The following SLCO6A1 variants were observed in gnomAD, a reference collection of about 807,000 sequenced individuals.
The protein encoded by SLCO6A1 is cancer/testis antigen 48.
SLCO6A1 carries 65 observed loss-of-function variants against 72.7 expected under a neutral mutation model. That is an observed-to-expected ratio of 0.89 (90% CI 0.73 to 1.10). SLCO6A1 has a LOEUF of 1.10. Ranked by LOEUF, SLCO6A1 falls within the 50% of genes least tolerant of loss-of-function variation. The pLI is 0.00. For missense variants in SLCO6A1, 874 were observed against 872.6 expected (o/e 1.00, Z -0.02); for synonymous variants, 314 against 298.2 (o/e 1.05, Z -0.55).
chr5:102,409,082 C>T (rs1197461279), intron 9 of SLCO6A1, among the ~76,000 whole-genome samples: 1 of 151,942 alleles, frequency 6.6e-6, no homozygotes, highest in Non-Finnish European at 1.5e-5. Flanking sequence ...TATTTAATAT[C>T]TATATAAAGA....
chr5:102,403,194 T>C (rs902407018), intron 9 of SLCO6A1, among the ~76,000 whole-genome samples: 20 of 152,158 alleles, frequency 1.3e-4, no homozygotes, highest in African/African-American at 4.3e-4. Flanking sequence ...ACTGAGATAT[T>C]TGAATGCAAG....
chr5:102,427,699 C>A (rs1411751079), intron 7 of SLCO6A1, among the ~76,000 whole-genome samples: 1 of 151,444 alleles, frequency 6.6e-6, no homozygotes. Flanking sequence ...AAAATCTGCA[C>A]AAACTATTGA....
chr5:102,459,383 G>A (rs542641518), intron 5 of SLCO6A1, among the ~76,000 whole-genome samples: 2 of 152,212 alleles, frequency 1.3e-5, no homozygotes, highest in Admixed American at 1.3e-4. Context: ...TCATACCACT[G>A]CACTCAGCCT....
At chr5:102,423,402 A>C (rs1748714646) in intron 7 of SLCO6A1, among the ~76,000 whole-genome samples, 1 of 152,216 alleles carries the variant, frequency 6.6e-6, no homozygotes, top group Admixed American at 6.5e-5. Context: ...AGACACACAT[A>C]GGCTCAAAAT....
At chr5:102,387,273 A>G (rs1460870798) in intron 12 of SLCO6A1, among the ~76,000 whole-genome samples, 1 of 152,202 alleles carries the variant, frequency 6.6e-6, no homozygotes, top group Non-Finnish European at 1.5e-5. Context: ...CCACACATGC[A>G]TAATGTTGCA....
At chr5:102,407,153 A>C (rs1185780659) in intron 9 of SLCO6A1, among the ~76,000 whole-genome samples, 1 of 152,176 alleles carries the variant, frequency 6.6e-6, no homozygotes, top group East Asian at 1.9e-4. Context: ...TTTCCATGAC[A>C]TGTCCACCAG....
At chr5:102,411,651 T>C (rs1747989440) in intron 9 of SLCO6A1, among the ~76,000 whole-genome samples, 1 of 152,090 alleles carries the variant, frequency 6.6e-6, no homozygotes, top group Non-Finnish European at 1.5e-5. Context: ...TGGGGACTCA[T>C]GCCCTTCAAA....
intron 6 of SLCO6A1, among the ~76,000 whole-genome samples, chr5:102,452,588 T>A (rs976146573): frequency 6.6e-6 from 1 of 152,202 alleles, no homozygotes; most frequent in African/African-American, 2.4e-5. Context: ...TCTTGTCTAC[T>A]TTAAAACTAT....
intron 9 of SLCO6A1, among the ~76,000 whole-genome samples, chr5:102,408,589 G>T (rs1282882101): frequency 1.3e-5 from 2 of 152,026 alleles, no homozygotes; most frequent in South Asian, 2.1e-4. Context: ...TGTTGGTGGT[G>T]GGGGGAATGA....
chr5:102,454,444 T>A (rs1750595546), intron 6 of SLCO6A1, among the ~76,000 whole-genome samples: 1 of 152,206 alleles, frequency 6.6e-6, no homozygotes, highest in Non-Finnish European at 1.5e-5. Context: ...CACCACATTT[T>A]GGAGGTCAGG....
chr5:102,489,940 A>G (rs1347958660), intron 1 of SLCO6A1, among the ~76,000 whole-genome samples: 1 of 152,240 alleles, frequency 6.6e-6, no homozygotes, highest in East Asian at 1.9e-4. Context: ...CCTGTTTTTT[A>G]CTACAGCATG....
In SLCO6A1 at chr5:102,438,697, A is replaced by G. The variant is rs373294808; in HGVS notation, c.1196T>C (p.Ile399Thr). 1.9e-6 allele frequency: 3 copies of G among 1,599,478 alleles called. No homozygotes were observed. The highest frequency in any genetic ancestry group is 2.7e-5 in the African/African-American group (2 of 74,314). Residue 399 changes from isoleucine to threonine, a missense_variant, in exon 7 of 14, where the codon ATT becomes ACT. Physicochemically the swap from Ile to Thr is moderately conservative, Grantham distance 89. Transcript: ENST00000506729. ...ALSKATEYLV[I>T]IGASEFLPIY... Reference sequence around the variant, plus strand: ...AGGCAAAAATTCAGAAGCTCCAATAATAACTAAATATTCTGTAGCTTTTGA... The same window carrying G: ...AGGCAAAAATTCAGAAGCTCCAATAGTAACTAAATATTCTGTAGCTTTTGA...
At chr5:102,479,783 T>G (rs1752094459) in intron 2 of SLCO6A1, among the ~76,000 whole-genome samples, 1 of 152,164 alleles carries the variant, frequency 6.6e-6, no homozygotes, top group Admixed American at 6.6e-5. Flanking sequence ...AATCCCACTT[T>G]GAGTTCATGA....
chr5:102,409,023 C>A (rs1238222415), intron 9 of SLCO6A1, among the ~76,000 whole-genome samples: 1 of 151,880 alleles, frequency 6.6e-6, no homozygotes, highest in East Asian at 1.9e-4. Context: ...ACTATATCAG[C>A]GGCTGAAAGG....
At chr5:102,381,110 C>T (rs1746081967) in intron 12 of SLCO6A1, among the ~76,000 whole-genome samples, 1 of 151,826 alleles carries the variant, frequency 6.6e-6, no homozygotes, top group African/African-American at 2.4e-5. Context: ...GTTCTATTCC[C>T]TTGGCAATTT....
intron 6 of SLCO6A1, among the ~76,000 whole-genome samples, chr5:102,439,124 C>T (rs919043005): frequency 6.6e-6 from 1 of 151,738 alleles, no homozygotes; most frequent in African/African-American, 2.4e-5. Context: ...TTTTGCTTCT[C>T]TACTTATTTT....
chr5:102,426,681 T>A (rs1748911988), intron 7 of SLCO6A1, among the ~76,000 whole-genome samples: 1 of 152,152 alleles, frequency 6.6e-6, no homozygotes, highest in South Asian at 2.1e-4. Flanking sequence ...GGAGTGTAAA[T>A]TAGTTCAATC....
intron 4 of SLCO6A1, among the ~76,000 whole-genome samples, chr5:102,475,267 A>G (rs942793409): frequency 2.0e-5 from 3 of 152,130 alleles, no homozygotes; most frequent in Non-Finnish European, 4.4e-5. Context: ...CCTTAAATGA[A>G]GAAGGATATC....
intron 7 of SLCO6A1, among the ~76,000 whole-genome samples, chr5:102,421,348 G>T (rs1028096932): frequency 1.3e-5 from 2 of 152,146 alleles, no homozygotes; most frequent in African/African-American, 2.4e-5. Context: ...CTCCCATGGA[G>T]CCGAGAAAGC....
Sources: allele counts gnomAD v4.1 joint callset (sites outside exome capture counted in the v4.1 genomes callset), GRCh38; gene constraint gnomAD v4.1.1; transcripts MANE v1.5; gene names NCBI Gene and HGNC (gene_info 2026-07-23, HGNC 2026-07-21).